The following UTRN variants were observed in gnomAD, a reference collection of about 807,000 sequenced individuals.
UTRN encodes the protein utrophin, also known as dystrophin-related protein 1.
A neutral mutation model predicts 463.9 loss-of-function variants in UTRN; 283 were observed. The observed-to-expected ratio is 0.61, with a 90% CI of 0.55 to 0.67. The LOEUF is 0.67. Among genes scored for constraint, UTRN ranks in the 30% least tolerant of loss-of-function variants. The probability of loss-of-function intolerance (pLI) is 0.00; values close to 1 mark genes in which losing one functional copy is unlikely to be tolerated. For missense variants in UTRN, 3,922 were observed against 4,084.3 expected (o/e 0.96, Z 1.08); for synonymous variants, 1,442 against 1,431.5 (o/e 1.01, Z -0.17).
intron 66 of UTRN, among the ~76,000 whole-genome samples, chr6:144,822,406 A>G (rs1238713082): frequency 6.6e-6 from 1 of 152,116 alleles, no homozygotes; most frequent in Admixed American, 6.5e-5. Flanking sequence ...GTCCATGTAT[A>G]ACACATACAC....
At chr6:144,704,842 G>A (rs1235900445) in intron 53 of UTRN, among the ~76,000 whole-genome samples, 1 of 151,990 alleles carries the variant, frequency 6.6e-6, no homozygotes, top group East Asian at 1.9e-4. Context: ...TGCGCCTGTA[G>A]TCCCAGCTAT....
intron 2 of UTRN, among the ~76,000 whole-genome samples, chr6:144,364,931 C>A (rs949719095): frequency 6.6e-6 from 1 of 152,182 alleles, no homozygotes; most frequent in Admixed American, 6.5e-5. Flanking sequence ...ACTTAGAAGG[C>A]CCCTTGTGAT....
At chr6:144,557,121 C>A (rs1799457737) in intron 49 of UTRN, 36 bp from the exon 50 acceptor site, 1 of 1,598,092 alleles carries the variant, frequency 6.3e-7, no homozygotes, top group Non-Finnish European at 8.5e-7. Context: ...TACTGAGTGA[C>A]CAAGTCTAAC....
At chr6:144,837,334 A>C (rs1273864248) in intron 71 of UTRN, 2 of 152,240 alleles carry the variant, frequency 1.3e-5, no homozygotes, top group African/African-American at 4.8e-5. Context: ...ATCTTGTTAG[A>C]GATCACAGCA....
At chr6:144,766,398 T>C (rs897218034) in intron 58 of UTRN, among the ~76,000 whole-genome samples, 2 of 152,216 alleles carry the variant, frequency 1.3e-5, no homozygotes, top group African/African-American at 4.8e-5. Context: ...GCTTGATTGC[T>C]ATATATATGT....
Position 144,550,850 on chromosome 6 carries a change from A to G in UTRN, c.6811-115A>G, listed in dbSNP as rs1048513661. 5 of 762,210 alleles carry G rather than the reference A, an allele frequency of 6.6e-6. No individual in the cohort carries two copies. In the African/African-American group the frequency reaches 7.2e-5, roughly 11 times the overall value. The allele number at this position is 762,210 out of a possible 1,614,324, so 47.2% of individuals were successfully genotyped here. ...TTTTCTGCCACGTTGCTGATGCTTC[A>G]CTATGCCATAGAGGAGGAAAACAAC... On this transcript the variant is annotated intron_variant, in intron 47 of 74. Coordinates refer to ENST00000367545, the MANE Select transcript of UTRN (RefSeq NM_007124.3).
At chr6:144,636,622 A>G (rs189359509) in intron 51 of UTRN, among the ~76,000 whole-genome samples, 1 of 152,346 alleles carries the variant, frequency 6.6e-6, no homozygotes, top group East Asian at 1.9e-4. Context: ...GATAGATTTT[A>G]GCAGCAGAAG....
chr6:144,320,042 C>T (rs974580558), intron 2 of UTRN, among the ~76,000 whole-genome samples: 19 of 151,692 alleles, frequency 1.3e-4, no homozygotes, highest in South Asian at 2.1e-4. Context: ...TTGGTAGAGA[C>T]GGGCTTTCAC....
rs547044371 is a variant in UTRN at position 144,488,571 on chromosome 6, G to A, written c.3973-102G>A. 2.7e-6 allele frequency: 3 copies of A among 1,127,252 alleles called. No homozygotes were observed. In the African/African-American group the frequency reaches 4.7e-5, roughly 18 times the overall value. The allele number at this position is 1,127,252 out of a possible 1,614,324, so 69.8% of individuals were successfully genotyped here. On this transcript the variant is annotated intron_variant, in intron 29 of 74. Coordinates refer to ENST00000367545, the MANE Select transcript of UTRN (RefSeq NM_007124.3). ...TATTTATAAAGAAAGCTAAAGTCTT[G>A]GATGAAAGCTTTTATGGTCTTTTCT... is the stretch of plus-strand genomic sequence containing the variant.
intron 51 of UTRN, among the ~76,000 whole-genome samples, chr6:144,584,129 A>G (rs534468331): frequency 3.3e-4 from 50 of 152,210 alleles, no homozygotes; most frequent in Non-Finnish European, 5.1e-4. Context: ...TCCATATATT[A>G]TAGTTACACT....
At position 144,310,816 on chromosome 6, in the gene UTRN, A is replaced by G. The variant is rs117270386; in HGVS notation, c.79+18909A>G. 1.2e-3 allele frequency among the ~76,000 whole-genome samples: 176 copies of G among 152,354 alleles called. 1 individual carries two copies. In the East Asian group the frequency reaches 0.029, roughly 25 times the overall value. On this transcript the variant is annotated intron_variant, in intron 2 of 74. Transcript: ENST00000367545. ...CAAACAAAAAACAAACAAGTGTGCA[A>G]TCCCTGAGAAAAATATCAGTTCAAT...
intron 52 of UTRN, 87 bp from the exon 53 acceptor site, chr6:144,700,000 T>C (rs1784421227): frequency 7.4e-7 from 1 of 1,355,250 alleles, no homozygotes. Context: ...CAGATAAGAT[T>C]ATTATGCTAA....
intron 51 of UTRN, among the ~76,000 whole-genome samples, chr6:144,608,862 A>G (rs1315415367): frequency 6.6e-6 from 1 of 152,194 alleles, no homozygotes; most frequent in African/African-American, 2.4e-5. Flanking sequence ...CTTTTATACT[A>G]CAAAGTAAAA....
chr6:144,611,057 T>C (rs911815737), intron 51 of UTRN, among the ~76,000 whole-genome samples: 2 of 152,184 alleles, frequency 1.3e-5, no homozygotes, highest in African/African-American at 2.4e-5. Context: ...GCCCAACATA[T>C]GCAAATCAAT....
At chr6:144,289,981 T>G (rs934456721) in intron 1 of UTRN, among the ~76,000 whole-genome samples, 4 of 152,202 alleles carry the variant, frequency 2.6e-5, no homozygotes, top group African/African-American at 9.6e-5. Flanking sequence ...TTACAATACT[T>G]ACTGCATTTT....
intron 39 of UTRN, among the ~76,000 whole-genome samples, chr6:144,521,100 A>T (rs1796049670): frequency 6.6e-6 from 1 of 152,148 alleles, no homozygotes; most frequent in Admixed American, 6.5e-5. Context: ...AGCCTGGCCA[A>T]CATGGTGAAA....
intron 65 of UTRN, among the ~76,000 whole-genome samples, chr6:144,817,272 G>A (rs1438697008): frequency 1.3e-5 from 2 of 152,102 alleles, no homozygotes; most frequent in Non-Finnish European, 2.9e-5. Flanking sequence ...TTGATCTAAT[G>A]GGATCTGCAA....
chr6:144,600,476 T>G (rs1042455948), intron 51 of UTRN, among the ~76,000 whole-genome samples: 5 of 152,244 alleles, frequency 3.3e-5, no homozygotes, highest in African/African-American at 1.2e-4. Context: ...TTTAGTGGTC[T>G]GGATAGAAGA....
chr6:144,809,097 A>G (rs1190866956), intron 65 of UTRN, among the ~76,000 whole-genome samples: 2 of 152,166 alleles, frequency 1.3e-5, no homozygotes, highest in African/African-American at 2.4e-5. Context: ...GTTTTTCATA[A>G]TGACTGAACC....
Sources: allele counts gnomAD v4.1 joint callset (sites outside exome capture counted in the v4.1 genomes callset), GRCh38; gene constraint gnomAD v4.1.1; transcripts MANE v1.5; gene names NCBI Gene and HGNC (gene_info 2026-07-23, HGNC 2026-07-21).